FRMD4A: variants seen among roughly 807,000 people sequenced by gnomAD.
FRMD4A encodes the protein FERM domain-containing protein 4A.
Under a neutral mutation model 129.1 loss-of-function variants are expected in FRMD4A, and 29 were observed. The observed-to-expected ratio is 0.22, with a 90% CI of 0.17 to 0.31. FRMD4A has a LOEUF of 0.31. Among genes scored for constraint, FRMD4A ranks in the 10% least tolerant of loss-of-function variants. The pLI is 1.00. For synonymous variants in FRMD4A, 634 were observed against 571.6 expected, an observed-to-expected ratio of 1.11 and a Z score of -1.56; for missense variants, 1,272 against 1,375.8, an observed-to-expected ratio of 0.92 and a Z score of 1.19.
At chr10:14,271,108 A>G (rs1257057121) in intron 2 of FRMD4A, among the ~76,000 whole-genome samples, 2 of 152,156 alleles carry the variant, frequency 1.3e-5, no homozygotes, top group African/African-American at 4.8e-5. Flanking sequence ...CTTTTAAATG[A>G]CCAGGTCTCA....
intron 3 of FRMD4A, among the ~76,000 whole-genome samples, chr10:13,858,476 C>A (rs775047462): frequency 2.0e-5 from 3 of 152,132 alleles, no homozygotes; most frequent in Non-Finnish European, 4.4e-5. Flanking sequence ...AAGAACCAAA[C>A]CTTTTTCTAT....
rs2082178030 is a variant in FRMD4A, at chr10:13,656,693, T to C, written c.2896A>G (p.Thr966Ala). 1.7e-5 allele frequency: 27 copies of C among 1,566,534 alleles called. No homozygotes were observed. The highest frequency in any genetic ancestry group is 2.3e-5 in the Non-Finnish European group (27 of 1,156,652). ...GTGACCCTGCTGTGCGCCACGAAGGTGCTCTGGGAGGAGGTGCTGTACTGC... is the reference window on the plus strand; with the variant it reads ...GTGACCCTGCTGTGCGCCACGAAGGCGCTCTGGGAGGAGGTGCTGTACTGC... ...GSQYSTSSQS[T>A]FVAHSRVTRM... The change falls in exon 22 of 25, where the codon ACC (threonine) becomes GCC (alanine). Residue 966 changes from threonine to alanine, a missense_variant. This residue lies in a region of FRMD4A where 972 missense variants were observed against 892.3 expected (regional missense o/e 1.09). Transcript: ENST00000357447.
At chr10:13,912,463 T>G (rs2094951061) in intron 2 of FRMD4A, among the ~76,000 whole-genome samples, 1 of 151,264 alleles carries the variant, frequency 6.6e-6, no homozygotes, top group Admixed American at 6.6e-5. Context: ...AGGAAGAAAC[T>G]AAATGTCCAT....
intron 2 of FRMD4A, among the ~76,000 whole-genome samples, chr10:13,956,506 G>A (rs1314874563): frequency 6.6e-6 from 1 of 152,204 alleles, no homozygotes; most frequent in African/African-American, 2.4e-5. Context: ...TTTAACAGAA[G>A]ACAAAACTGA....
intron 2 of FRMD4A, among the ~76,000 whole-genome samples, chr10:14,039,087 A>T (rs988746428): frequency 4.6e-5 from 7 of 152,162 alleles, no homozygotes; most frequent in African/African-American, 1.4e-4. Context: ...GTTGCTTTCT[A>T]TTGAATTTGT....
At chr10:13,732,870 C>G (rs1321435212) in intron 12 of FRMD4A, among the ~76,000 whole-genome samples, 5 of 152,228 alleles carry the variant, frequency 3.3e-5, no homozygotes, top group African/African-American at 1.2e-4. Flanking sequence ...TTCCCCATGT[C>G]TGAGTTTTCA....
intron 2 of FRMD4A, among the ~76,000 whole-genome samples, chr10:13,910,050 C>T (rs1297947422): frequency 6.6e-6 from 1 of 152,150 alleles, no homozygotes; most frequent in African/African-American, 2.4e-5. Flanking sequence ...AAAAAATGGC[C>T]ACTATCTCTC....
intron 15 of FRMD4A, among the ~76,000 whole-genome samples, chr10:13,682,727 C>G (rs556146302): frequency 6.6e-6 from 1 of 152,062 alleles, no homozygotes; most frequent in Non-Finnish European, 1.5e-5. Context: ...TCAGGTTGGT[C>G]TTGAACTCCT....
intron 2 of FRMD4A, among the ~76,000 whole-genome samples, chr10:14,253,145 T>C (rs1440752182): frequency 6.6e-6 from 1 of 152,266 alleles, no homozygotes; most frequent in African/African-American, 2.4e-5. Flanking sequence ...TTTCTTTTAT[T>C]AGAGCAGAGA....
intron 2 of FRMD4A, among the ~76,000 whole-genome samples, chr10:14,178,327 C>T (rs1428482085): frequency 1.3e-5 from 2 of 152,208 alleles, no homozygotes; most frequent in African/African-American, 4.8e-5. Flanking sequence ...TTGAGTACCT[C>T]GTTCACTTAT....
chr10:14,125,263 G>A (rs1050314674), intron 2 of FRMD4A, among the ~76,000 whole-genome samples: 1 of 152,130 alleles, frequency 6.6e-6, no homozygotes, highest in African/African-American at 2.4e-5. Context: ...ACAATTACAA[G>A]TAGTGTCCCC....
Position 13,854,227 on chromosome 10 carries a change from C to T in FRMD4A, c.111+4620G>A, listed in dbSNP as rs541751358. On this transcript the variant is annotated intron_variant, in intron 3 of 24. Transcript: ENST00000357447. The stretch of plus-strand genomic sequence containing the variant: ...CTTCCCTTTCTCTGCTCTCAACATA[C>T]TCCCCCAAATATACATTCGGGTCAG... Among the ~76,000 whole-genome samples the T allele has an allele frequency of 3.5e-4, 53 of 152,282 alleles. No individual in the cohort carries two copies. The South Asian group carries it at 0.01, about 29-fold the overall frequency.
At chr10:13,917,250 C>A (rs975521064) in intron 2 of FRMD4A, among the ~76,000 whole-genome samples, 7 of 150,250 alleles carry the variant, frequency 4.7e-5, no homozygotes, top group African/African-American at 1.7e-4. Context: ...CTGCCCAATT[C>A]TTCTATCTGG....
At chr10:13,991,062 G>A (rs1190453573) in intron 2 of FRMD4A, among the ~76,000 whole-genome samples, 1 of 152,194 alleles carries the variant, frequency 6.6e-6, no homozygotes, top group Non-Finnish European at 1.5e-5. Context: ...CTCTCTGAAA[G>A]CCGCGGTTTT....
intron 2 of FRMD4A, among the ~76,000 whole-genome samples, chr10:14,304,936 T>C (rs1404340201): frequency 3.9e-5 from 6 of 152,224 alleles, no homozygotes; most frequent in Non-Finnish European, 7.3e-5. Context: ...GTGTGGCAGA[T>C]GCTCACAGTG....
At chr10:13,848,058 G>C (rs2094079339) in intron 3 of FRMD4A, among the ~76,000 whole-genome samples, 1 of 152,148 alleles carries the variant, frequency 6.6e-6, no homozygotes, top group African/African-American at 2.4e-5. Flanking sequence ...GCATTTTGCA[G>C]AACTGCATTG....
chr10:14,179,518 A>G (rs1262404854), intron 2 of FRMD4A, among the ~76,000 whole-genome samples: 3 of 152,160 alleles, frequency 2.0e-5, no homozygotes, highest in Non-Finnish European at 4.4e-5. Context: ...TCAGCCACAC[A>G]TATTTGCTTT....
chr10:13,934,469 CT>C (rs75727770), intron 2 of FRMD4A, among the ~76,000 whole-genome samples: 1,475 of 147,450 alleles, frequency 0.01, 19 homozygotes, highest in African/African-American at 0.029. Context: ...CATTTTAAAA[CT>C]TTTTTTTTTT....
intron 2 of FRMD4A, among the ~76,000 whole-genome samples, chr10:13,988,435 T>C (rs1054227584): frequency 6.6e-6 from 1 of 152,222 alleles, no homozygotes; most frequent in Admixed American, 6.5e-5. Flanking sequence ...TTTAGTCCCT[T>C]CCTTTCTCTC....
Sources: allele counts gnomAD v4.1 joint callset (sites outside exome capture counted in the v4.1 genomes callset), GRCh38; gene constraint gnomAD v4.1.1; regional missense constraint gnomAD v4.1.1; transcripts MANE v1.5; gene names NCBI Gene and HGNC (gene_info 2026-07-23, HGNC 2026-07-21).